OSBPL5: variants seen among roughly 807,000 people sequenced by gnomAD.
OSBPL5 encodes oxysterol binding protein like 5.
Under a neutral mutation model 111.2 loss-of-function variants are expected in OSBPL5, and 71 were observed. The ratio of observed to expected loss-of-function variants is 0.64; its 90% confidence interval spans 0.53 to 0.78. OSBPL5 has a LOEUF of 0.78. Among genes scored for constraint, OSBPL5 ranks in the 30% least tolerant of loss-of-function variants. The pLI is 0.00. For missense variants in OSBPL5, 1,210 were observed against 1,189.3 expected, an observed-to-expected ratio of 1.02 and a Z score of -0.26; for synonymous variants, 549 against 513.9, an observed-to-expected ratio of 1.07 and a Z score of -0.93.
chr11:3,146,360 G>A lies in OSBPL5; in HGVS notation c.-21-17191C>T, dbSNP rs1357625996. The A allele has an allele frequency of 6.6e-6, 1 of 152,346 alleles. No homozygotes were observed. The highest frequency in any genetic ancestry group is 1.9e-4 in the East Asian group (1 of 5,184). 9.4% of individuals were successfully genotyped at this position (152,346 alleles called of 1,614,324 possible). On this transcript the variant is annotated intron_variant, in intron 1 of 21. Coordinates refer to ENST00000263650, the MANE Select transcript of OSBPL5 (RefSeq NM_020896.4). This position sits in a 1 kb window ranked among gnomAD's most constrained non-coding sequence, Gnocchi z 7.8. ...GGGGAGGTGAGGGCAGACGAGGAGG[G>A]GAACTCACGGGAAGGTAGGAAAGGG...
At chr11:3,090,169 C>T (rs1437134990) in intron 20 of OSBPL5, among the ~76,000 whole-genome samples, 1 of 152,192 alleles carries the variant, frequency 6.6e-6, no homozygotes, top group African/African-American at 2.4e-5. Context: ...CACTAACAGG[C>T]CTGGGAGGCA....
intron 1 of OSBPL5, among the ~76,000 whole-genome samples, chr11:3,155,242 C>T (rs1402715986): frequency 1.3e-5 from 2 of 152,216 alleles, no homozygotes; most frequent in Non-Finnish European, 2.9e-5. Context: ...AGTTGGGCTA[C>T]AGCACCAGCT....
chr11:3,093,738 C>T lies in OSBPL5; in HGVS notation c.1809+8G>A, dbSNP rs1014990411. 1.2e-6 allele frequency: 2 copies of T among 1,612,808 alleles called. No individual in the cohort carries two copies. Among genetic ancestry groups the T allele is most frequent in the African/African-American group, 2.7e-5 (2 of 74,940 alleles). ...CGGCCGTGCCTGCCCTGAGGGACGGCCCCTTACCCAGTGGCCACTGAGGCT... is the reference window on the plus strand; with the variant it reads ...CGGCCGTGCCTGCCCTGAGGGACGGTCCCTTACCCAGTGGCCACTGAGGCT... On this transcript the variant is annotated splice_region_variant and intron_variant, in intron 16 of 21. Coordinates refer to ENST00000263650, the MANE Select transcript of OSBPL5 (RefSeq NM_020896.4).
intron 1 of OSBPL5, among the ~76,000 whole-genome samples, chr11:3,131,586 C>T (rs373365367): frequency 3.2e-4 from 15 of 47,066 alleles, no homozygotes; most frequent in South Asian, 1.1e-3. Context: ...CATCCATCCA[C>T]CCATTCATCC....
Position 3,103,305 on chromosome 11 carries a change from C to A in OSBPL5, c.1260G>T (p.Glu420Asp). The A allele has an allele frequency of 6.2e-7, 1 of 1,607,018 alleles. No individual in the cohort carries two copies. Among genetic ancestry groups the A allele is most frequent in the African/African-American group, 1.3e-5 (1 of 74,884 alleles). ...CCAGCTTCATGCGGCTGTAGGCATC[C>A]TCCTCCACCGCAGCCCTGCCATGGG... ...ADLLSRAAVE[E>D]DAYSRMKLVL... The change falls in exon 11 of 22, where the codon GAG becomes GAT. Residue 420 changes from glutamate to aspartate, a missense_variant. Glu to Asp is a conservative substitution (Grantham distance 45, BLOSUM62 2). Transcript: ENST00000263650.
chr11:3,099,710 C>T (rs1271043566), intron 14 of OSBPL5, among the ~76,000 whole-genome samples: 1 of 152,162 alleles, frequency 6.6e-6, no homozygotes, highest in Non-Finnish European at 1.5e-5. Context: ...AGCCACAAGG[C>T]AAGCAAAACG....
intron 1 of OSBPL5, among the ~76,000 whole-genome samples, chr11:3,156,915 C>T (rs975469111): frequency 6.6e-6 from 1 of 152,206 alleles, no homozygotes; most frequent in African/African-American, 2.4e-5. Flanking sequence ...AAGACTTGCC[C>T]ATGGCCCCAC....
At chr11:3,123,139 G>A (rs1264899103) in intron 3 of OSBPL5, among the ~76,000 whole-genome samples, 1 of 152,158 alleles carries the variant, frequency 6.6e-6, no homozygotes, top group East Asian at 1.9e-4. Flanking sequence ...CTGACTGCAC[G>A]GGCCCAGGGC....
At chr11:3,134,501 G>A (rs575278703) in intron 1 of OSBPL5, among the ~76,000 whole-genome samples, 1 of 152,216 alleles carries the variant, frequency 6.6e-6, no homozygotes, top group East Asian at 1.9e-4. Flanking sequence ...AGGTGAGCAG[G>A]GCTGGCCCCC....
chr11:3,162,280 G>A lies in OSBPL5; in HGVS notation c.-22+2936C>T, dbSNP rs562964255. On this transcript the variant is annotated intron_variant, in intron 1 of 21. Transcript: ENST00000263650. The surrounding 1 kb of genome is among the most constrained non-coding windows in gnomAD (Gnocchi z 8.1). The stretch of plus-strand genomic sequence containing the variant: ...AGCCCTGGAGGGAGTAGCCGGATGT[G>A]AGGTGGGCTGGGAGGCCGAGCAAAG... 6.6e-6 allele frequency among the ~76,000 whole-genome samples: 1 copy of A among 152,234 alleles called. No homozygotes were observed. Among genetic ancestry groups the A allele is most frequent in the East Asian group, 1.9e-4 (1 of 5,166 alleles).
Position 3,089,895 on chromosome 11 carries a change from G to T in OSBPL5, c.2452C>A (p.Leu818Met). ...CGGATGGAGAGGATGGCCTCGTGCA[G>T]GGCCTGCAGCCGCCGCGCCTCCTTC... ...CRKEARRLQA[L>M]HEAILSIREA... Residue 818 changes from leucine (L) to methionine (M), a missense_variant, in exon 21 of 22, where the codon CTG becomes ATG. Physicochemically the swap from Leu to Met is conservative, Grantham distance 15. Coordinates refer to ENST00000263650, the MANE Select transcript of OSBPL5 (RefSeq NM_020896.4). 6.4e-7 allele frequency: 1 copy of T among 1,566,768 alleles called. No individual in the cohort carries two copies. Among genetic ancestry groups the T allele is most frequent in the Non-Finnish European group, 8.6e-7 (1 of 1,156,408 alleles).
rs142373185 is a variant in OSBPL5, at chr11:3,121,934, C to G, written c.402+63G>C. On this transcript the variant is annotated intron_variant, in intron 5 of 21. Coordinates refer to ENST00000263650, the MANE Select transcript of OSBPL5 (RefSeq NM_020896.4). This position sits in a 1 kb window ranked among gnomAD's most constrained non-coding sequence, Gnocchi z 4.3. ...GTTTCAGGCCACCTGGTTTATGGTC[C>G]TTTGTTATGGCAGCAGCACGCTGAC... The G allele has an allele frequency of 2.3e-3, 3,346 of 1,438,948 alleles. 73 individuals are homozygous for G. In the African/African-American group the frequency reaches 0.042, roughly 18 times the overall value. The allele number at this position is 1,438,948 out of a possible 1,614,324, so 89.1% of individuals were successfully genotyped here. A position where few individuals can be genotyped will look rare whatever the true frequency, so the allele number is the denominator to read the frequency against.
Position 3,088,233 on chromosome 11 carries a change from T to G in OSBPL5, c.2612A>C (p.Gln871Pro). Residue 871 changes from glutamine to proline, a missense_variant, in exon 22 of 22, where the codon CAG (glutamine) becomes CCG (proline). By Grantham distance (76) the Gln-to-Pro change is moderately conservative (BLOSUM62 -1). Coordinates refer to ENST00000263650, the MANE Select transcript of OSBPL5 (RefSeq NM_020896.4). ...WFLLCVFLAC[Q>P]LFINHILK The stretch of plus-strand genomic sequence containing the variant: ...TTTGAGGATGTGGTTAATGAACAGC[T>G]GACACGCCAGGAACACGCAGAGCAG... 6.2e-7 allele frequency: 1 copy of G among 1,603,728 alleles called. No individual in the cohort carries two copies. The highest frequency in any genetic ancestry group is 8.5e-7 in the Non-Finnish European group (1 of 1,174,866).
intron 7 of OSBPL5, among the ~76,000 whole-genome samples, chr11:3,118,573 T>TA (rs1858291060): frequency 1.4e-5 from 2 of 143,730 alleles, no homozygotes; most frequent in South Asian, 4.3e-4. Context: ...ATAAACTATT[T>TA]TTTTTTTTTT....
In OSBPL5 at chr11:3,107,102, C is replaced by T. The variant is rs899759999; in HGVS notation, c.1059+161G>A. Among the ~76,000 whole-genome samples the T allele has an allele frequency of 8.5e-5, 13 of 152,176 alleles. No individual in the cohort carries two copies. Among genetic ancestry groups the T allele is most frequent in the Admixed American group, 2.6e-4 (4 of 15,276 alleles). ...TTGGAAGACGGGAGGAGCCTGTTTA[C>T]CTAAAAGACAGCTCCTGGACTCACT... On this transcript the variant is annotated intron_variant, in intron 9 of 21. Transcript: ENST00000263650. This position sits in a 1 kb window ranked among gnomAD's most constrained non-coding sequence, Gnocchi z 6.1.
chr11:3,093,260 T>C, intron 17 of OSBPL5: 1 of 732,912 alleles, frequency 1.4e-6, no homozygotes, highest in South Asian at 2.0e-5. Flanking sequence ...ATCTCCCGCC[T>C]GCAGGGACCT....
intron 1 of OSBPL5, among the ~76,000 whole-genome samples, chr11:3,144,254 G>T (rs946954425): frequency 1.3e-5 from 2 of 152,182 alleles, no homozygotes; most frequent in Non-Finnish European, 2.9e-5. Context: ...GGGATACAAT[G>T]AAACCGCTGA....
chr11:3,112,244 T>C (rs1858021192), intron 7 of OSBPL5, among the ~76,000 whole-genome samples: 1 of 152,218 alleles, frequency 6.6e-6, no homozygotes, highest in Non-Finnish European at 1.5e-5. Flanking sequence ...GAATTCTGTT[T>C]CTTGATTTAC....
At chr11:3,124,635 C>T (rs1858538272) in intron 3 of OSBPL5, among the ~76,000 whole-genome samples, 1 of 152,174 alleles carries the variant, frequency 6.6e-6, no homozygotes, top group African/African-American at 2.4e-5. Context: ...TGGCACAGGT[C>T]CTGGTGACAC....
Sources: gnomAD v4.1 joint callset for allele counts (sites outside exome capture counted in the v4.1 genomes callset) on GRCh38, gnomAD v4.1.1 for gene constraint, Gnocchi (gnomAD v3.1) non-coding constraint, MANE v1.5 for transcripts, NCBI Gene and HGNC (gene_info 2026-07-23, HGNC 2026-07-21) for gene names.